The following CD6 variants were observed in gnomAD, a reference collection of about 807,000 sequenced individuals.
CD6 encodes the protein T-cell differentiation antigen CD6.
Under a neutral mutation model 75.3 loss-of-function variants are expected in CD6, and 53 were observed. That is an observed-to-expected ratio of 0.70 (90% CI 0.56 to 0.88). CD6 has a LOEUF of 0.88. CD6 is among the 40% of genes least tolerant of loss of function. CD6 has a pLI of 0.00. For synonymous variants in CD6, 359 were observed against 381.5 expected (o/e 0.94, Z 0.69); for missense variants, 770 against 897.1 (o/e 0.86, Z 1.81).
rs537601410 is a variant in CD6 at position 60,984,083 on chromosome 11, TGTC to T, written c.49+12170_49+12172del. Reference sequence around the variant, plus strand: ...GGTCTAACTTGCTTGGCTAAGGTGTTGTCTGCTAGATTTCTCTGCTGTAAAGAT... The same window carrying T: ...GGTCTAACTTGCTTGGCTAAGGTGTTTGCTAGATTTCTCTGCTGTAAAGAT... On this transcript the variant is annotated intron_variant, in intron 1 of 12. Coordinates refer to ENST00000313421, the MANE Select transcript of CD6 (RefSeq NM_006725.5). Among the ~76,000 whole-genome samples, 69 of 152,290 alleles carry T rather than the reference TGTC, an allele frequency of 4.5e-4. No individual in the cohort carries two copies. In the South Asian group the frequency reaches 9.1e-3, roughly 20 times the overall value.
chr11:61,005,653 T>C (rs10897132), intron 1 of CD6, among the ~76,000 whole-genome samples: 130,775 of 152,120 alleles, frequency 0.86, 56,749 homozygotes, highest in East Asian at 0.99. Flanking sequence ...TGGAATAGGC[T>C]GGATGTAGTG....
At chr11:60,996,254 C>T (rs535001991) in intron 1 of CD6, among the ~76,000 whole-genome samples, 12 of 152,332 alleles carry the variant, frequency 7.9e-5, no homozygotes, top group South Asian at 6.2e-4. Flanking sequence ...GGGTGCTCGA[C>T]GTGCCTTGGG....
intron 6 of CD6, among the ~76,000 whole-genome samples, chr11:61,011,923 A>T (rs1040628406): frequency 3.3e-5 from 5 of 152,188 alleles, no homozygotes; most frequent in Non-Finnish European, 5.9e-5. Flanking sequence ...GGCTCCAGTG[A>T]ATTAATTTTT....
chr11:60,982,512 C>T, intron 1 of CD6: 1 of 447,382 alleles, frequency 2.2e-6, no homozygotes, highest in South Asian at 1.6e-5. Flanking sequence ...TGGGAGCAGG[C>T]GGGCGCGGGG....
intron 9 of CD6, 94 bp downstream of exon 9, chr11:61,015,929 C>A: frequency 1.4e-6 from 2 of 1,453,698 alleles, no homozygotes; most frequent in Non-Finnish European, 9.4e-7. Flanking sequence ...ACCTAGTAAC[C>A]CCTGCATGAT....
chr11:61,011,176 GA>G lies in CD6; in HGVS notation c.1150+42del, dbSNP rs1280402801. ...TACTACGCGGTTTCTCAGAAGCTTG[GA>G]CGTGTGTGTGTGTGTGTGTGTGTGT... On this transcript the variant is annotated intron_variant, in intron 6 of 12. Transcript: ENST00000313421. 4 of 708,628 alleles carry G rather than the reference GA, an allele frequency of 5.6e-6. No homozygotes were observed. In the African/African-American group the frequency reaches 1.7e-4, roughly 30 times the overall value. 43.9% of individuals were successfully genotyped at this position (708,628 alleles called of 1,614,324 possible).
chr11:61,015,934 C>T, intron 9 of CD6, 99 bp downstream of exon 9: 1 of 1,411,006 alleles, frequency 7.1e-7, no homozygotes, highest in South Asian at 1.3e-5. Context: ...GTAACCCCTG[C>T]ATGATGCAGA....
intron 1 of CD6, among the ~76,000 whole-genome samples, chr11:60,978,817 A>G (rs918975462): frequency 6.6e-6 from 1 of 152,246 alleles, no homozygotes; most frequent in African/African-American, 2.4e-5. Context: ...CTTTGCCTGC[A>G]TGCTAGAGAT....
At chr11:60,975,160 G>T (rs1400055310) in intron 1 of CD6, among the ~76,000 whole-genome samples, 1 of 152,058 alleles carries the variant, frequency 6.6e-6, no homozygotes, top group Non-Finnish European at 1.5e-5. Flanking sequence ...TTTGATTAAT[G>T]ACTTTCGATG....
rs1857193671 is a variant in CD6, at chr11:60,971,832, C to T, written c.-34C>T. ...GCCCCAAGATGGTGCTTCCCACAGG[C>T]AGCCACGCGTAGCAGCCAGAGACAG... On this transcript the variant is annotated 5_prime_UTR_variant, in exon 1 of 13. An upstream open reading frame in the 5' UTR gains an earlier in-frame stop. Coordinates refer to ENST00000313421, the MANE Select transcript of CD6 (RefSeq NM_006725.5). The T allele has an allele frequency of 6.2e-7, 1 of 1,610,366 alleles. No individual in the cohort carries two copies.
chr11:60,981,818 G>C (rs898381840), intron 1 of CD6, among the ~76,000 whole-genome samples: 1 of 152,184 alleles, frequency 6.6e-6, no homozygotes, highest in Non-Finnish European at 1.5e-5. Context: ...ATGCAGGGCT[G>C]AGGAGGAAGC....
chr11:61,017,493 C>A lies in CD6; in HGVS notation c.1525C>A (p.Arg509=), dbSNP rs150172491. 4.5e-6 allele frequency: 7 copies of A among 1,549,492 alleles called. No individual in the cohort carries two copies. The African/African-American group carries it at 6.9e-5, about 15-fold the overall frequency. ...TCTGCTTGCAGATTCCCAGCGGCAT[C>A]GGGTCACAGATGAGGAGGTCCAGCA... ...LTTFYNSQRH[R]VTDEEVQQSR... The change falls in exon 10 of 13, where the codon CGG becomes AGG. Residue 509 remains arginine, a synonymous_variant. Coordinates refer to ENST00000313421, the MANE Select transcript of CD6 (RefSeq NM_006725.5).
chr11:60,984,805 CAG>C (rs911660143), intron 1 of CD6, among the ~76,000 whole-genome samples: 5 of 152,098 alleles, frequency 3.3e-5, no homozygotes, highest in Non-Finnish European at 7.3e-5. Context: ...ACATTCCCGT[CAG>C]GGGGAGGAGC....
At chr11:60,979,359 G>C (rs1857481308) in intron 1 of CD6, among the ~76,000 whole-genome samples, 1 of 152,198 alleles carries the variant, frequency 6.6e-6, no homozygotes, top group East Asian at 1.9e-4. Context: ...GGTTTGCCTG[G>C]GGGTTGCCCT....
intron 1 of CD6, among the ~76,000 whole-genome samples, chr11:61,003,388 A>C (rs1858689697): frequency 6.6e-6 from 1 of 152,112 alleles, no homozygotes; most frequent in South Asian, 2.1e-4. Context: ...TTATTGCAGC[A>C]AAAAAGTGAA....
Position 61,008,643 on chromosome 11 carries a change from G to T in CD6, c.579G>T (p.Glu193Asp). The T allele has an allele frequency of 1.2e-6, 2 of 1,608,234 alleles. No homozygotes were observed. The highest frequency in any genetic ancestry group is 2.2e-5 in the East Asian group (1 of 44,656). The stretch of plus-strand genomic sequence containing the variant: ...TGTGCGATGACACTTGGGACCTGGA[G>T]GACGCCCACGTGGTGTGCAGGCAAC... ...GSVCDDTWDLEDAHVVCRQLG... is the reference protein window; with the variant it reads ...GSVCDDTWDLDDAHVVCRQLG... Residue 193 changes from glutamate (E) to aspartate (D), a missense_variant, in exon 4 of 13, where the codon GAG becomes GAT. Glu to Asp is a conservative substitution (Grantham distance 45, BLOSUM62 2). Coordinates refer to ENST00000313421, the MANE Select transcript of CD6 (RefSeq NM_006725.5).
chr11:61,014,613 T>C (rs1250537014), intron 8 of CD6, among the ~76,000 whole-genome samples: 1 of 151,786 alleles, frequency 6.6e-6, no homozygotes, highest in Non-Finnish European at 1.5e-5. Context: ...CGTGCACCTG[T>C]AATCCCAGCT....
At chr11:61,014,327 T>A (rs1349181826) in intron 8 of CD6, among the ~76,000 whole-genome samples, 1 of 152,250 alleles carries the variant, frequency 6.6e-6, no homozygotes, top group African/African-American at 2.4e-5. Flanking sequence ...AGTTGGCTAG[T>A]AGGCTTGTGA....
chr11:61,014,891 C>T lies in CD6; in HGVS notation c.1388-822C>T, dbSNP rs115129289. ...CAATGACATAAAAACCAATACAAAA[C>T]TCAGCCAAATATTATAAATATCCTT... On this transcript the variant is annotated intron_variant, in intron 8 of 12. Transcript: ENST00000313421. Among the ~76,000 whole-genome samples the T allele has an allele frequency of 1.6e-3, 244 of 152,284 alleles. 1 individual carries two copies. The highest frequency in any genetic ancestry group is 5.6e-3 in the African/African-American group (234 of 41,560).
Sources: gnomAD v4.1 joint callset for allele counts (sites outside exome capture counted in the v4.1 genomes callset) on GRCh38, gnomAD v4.1.1 for gene constraint, MANE v1.5 for transcripts, NCBI Gene and HGNC (gene_info 2026-07-23, HGNC 2026-07-21) for gene names.